The following CDH23 variants were observed in gnomAD, a reference collection of about 807,000 sequenced individuals.
CDH23 encodes the protein cadherin-23.
In CDH23, 189 loss-of-function variants were observed where a neutral mutation model predicts 317.1. The ratio of observed to expected loss-of-function variants is 0.60; its 90% CI spans 0.53 to 0.67. The LOEUF (loss-of-function observed/expected upper bound fraction) is 0.67. Ranked by LOEUF, CDH23 falls within the 30% of genes least tolerant of loss-of-function variation. The probability of loss-of-function intolerance (pLI) is 0.00; values close to 1 mark genes in which losing one functional copy is unlikely to be tolerated. For synonymous variants in CDH23, 1,839 were observed against 1,876.8 expected, an observed-to-expected ratio of 0.98 and a Z score of 0.52; for missense variants, 4,401 against 4,592.4, an observed-to-expected ratio of 0.96 and a Z score of 1.20.
chr10:71,648,579 G>A (rs1014940918), intron 14 of CDH23, among the ~76,000 whole-genome samples: 6 of 152,202 alleles, frequency 3.9e-5, no homozygotes, highest in Admixed American at 2.6e-4. Flanking sequence ...AGAGCCGGGA[G>A]GAGATGTGAA....
chr10:71,668,818 G>A (rs762291263), intron 14 of CDH23, among the ~76,000 whole-genome samples: 166 of 152,256 alleles, frequency 1.1e-3, no homozygotes, highest in Non-Finnish European at 1.3e-3. Flanking sequence ...CAATCACCTT[G>A]TATTAACCTT....
intron 30 of CDH23, among the ~76,000 whole-genome samples, chr10:71,726,771 G>T (rs1003978667): frequency 5.9e-5 from 9 of 152,240 alleles, no homozygotes; most frequent in Non-Finnish European, 1.3e-4. Context: ...CGAAGCTGGG[G>T]TTGGGTCTCC....
chr10:71,584,585 G>A (rs80128762), intron 9 of CDH23, among the ~76,000 whole-genome samples: 18 of 81,354 alleles, frequency 2.2e-4, no homozygotes, highest in Admixed American at 9.5e-4. Flanking sequence ...TACGCAGGGA[G>A]AATAATCAGA....
intron 3 of CDH23, among the ~76,000 whole-genome samples, chr10:71,453,665 G>A (rs1487261100): frequency 6.6e-6 from 1 of 152,258 alleles, no homozygotes; most frequent in Non-Finnish European, 1.5e-5. Flanking sequence ...TCTTGGGAGA[G>A]GGTGGAGAAC....
intron 33 of CDH23, 137 bp downstream of exon 33, chr10:71,734,478 A>G (rs975168486): frequency 1.3e-5 from 19 of 1,519,422 alleles, no homozygotes; most frequent in South Asian, 2.4e-5. Context: ...AGGCTTCGCC[A>G]TGTCCAGCCA....
At chr10:71,524,482 G>A (rs561724456) in intron 6 of CDH23, among the ~76,000 whole-genome samples, 2 of 152,302 alleles carry the variant, frequency 1.3e-5, no homozygotes, top group African/African-American at 2.4e-5. Context: ...GGCAGCTAGG[G>A]GCAAAAGGAG....
In CDH23 at chr10:71,677,532, C is replaced by G. The variant is rs1487612452; in HGVS notation, c.1591C>G (p.Leu531Val). 2 of 1,612,308 alleles carry G rather than the reference C, an allele frequency of 1.2e-6. No individual in the cohort carries two copies. The highest frequency in any genetic ancestry group is 1.7e-6 in the Non-Finnish European group (2 of 1,179,434). Residue 531 changes from leucine to valine, a missense_variant, in exon 16 of 70, where the codon CTG becomes GTG. Leu to Val is a conservative substitution (Grantham distance 32). Transcript: ENST00000224721. ...LDYELIQRFT[L>V]TIIARDGGGE... ...CTATGAGCTCATCCAGCGCTTCACC[C>G]TGACGATCATTGCCCGGGACGGGGG...
intron 6 of CDH23, among the ~76,000 whole-genome samples, chr10:71,547,569 G>A (rs1856352191): frequency 6.6e-6 from 1 of 152,238 alleles, no homozygotes; most frequent in African/African-American, 2.4e-5. Context: ...GTATTTCAGG[G>A]CATTCATAGC....
intron 8 of CDH23, among the ~76,000 whole-genome samples, chr10:71,571,449 T>C (rs922725730): frequency 6.6e-6 from 1 of 152,228 alleles, no homozygotes; most frequent in Non-Finnish European, 1.5e-5. Flanking sequence ...AGTCCAGGTT[T>C]CCAAGAAAGG....
rs560825253 is a variant in CDH23 at position 71,785,004 on chromosome 10, T to C, written c.5616T>C (p.His1872=). The part of the protein sequence containing the change: ...ENSPVSSFVA[H]VLASDADSGC... ...GCCCTGTCTCCAGCTTTGTCGCCCA[T>C]GTCCTGGCCAGTGACGCTGACAGTG... The change falls in exon 43 of 70, where the codon CAT becomes CAC. Residue 1872 remains histidine, a synonymous_variant. Coordinates refer to ENST00000224721, the MANE Select transcript of CDH23 (RefSeq NM_022124.6). 5 of 1,614,066 alleles carry C rather than the reference T, an allele frequency of 3.1e-6. No homozygotes were observed. The highest frequency in any genetic ancestry group is 1.7e-5 in the Admixed American group (1 of 60,028).
chr10:71,560,385 A>T (rs7091884), intron 6 of CDH23, among the ~76,000 whole-genome samples: 59,568 of 151,386 alleles, frequency 0.39, 12,441 homozygotes, highest in East Asian at 0.67. Context: ...TCCCCACCAA[A>T]CCTCTGTTCT....
At chr10:71,449,975 T>A (rs1008367368) in intron 3 of CDH23, among the ~76,000 whole-genome samples, 3 of 152,248 alleles carry the variant, frequency 2.0e-5, no homozygotes, top group Non-Finnish European at 2.9e-5. Flanking sequence ...AATGAAGTCA[T>A]TAACTAGTGC....
intron 38 of CDH23, chr10:71,753,762 T>C (rs1418162539): frequency 2.2e-6 from 1 of 456,292 alleles, no homozygotes; most frequent in South Asian, 1.5e-5. Flanking sequence ...CTGATTACGA[T>C]GGGGAAACAG....
intron 38 of CDH23, among the ~76,000 whole-genome samples, chr10:71,759,978 C>A (rs1776943078): frequency 1.2e-5 from 1 of 81,196 alleles, no homozygotes; most frequent in African/African-American, 3.6e-5. Flanking sequence ...TATACACACA[C>A]ACATATATAT....
In CDH23 at chr10:71,724,065, T is replaced by A; in HGVS notation, c.3390T>A (p.Asp1130Glu). Reference protein sequence around the residue: ...SILQLKATDADEGEFGRVWYR... With the variant: ...SILQLKATDAEEGEFGRVWYR... ...CTCAGCTGAAAGCCACGGACGCAGATGAGGGCGAGTTTGGGCGTGTGTGGT... is the reference window on the plus strand; with the variant it reads ...CTCAGCTGAAAGCCACGGACGCAGAAGAGGGCGAGTTTGGGCGTGTGTGGT... The change falls in exon 29 of 70, where the codon GAT becomes GAA. Residue 1130 changes from aspartate (D) to glutamate (E), a missense_variant. Physicochemically the swap from Asp to Glu is conservative, Grantham distance 45. This residue lies in a region of CDH23 where 3,068 missense variants were observed against 3,203.3 expected (regional missense o/e 0.96). Transcript: ENST00000224721. The A allele has an allele frequency of 6.4e-7, 1 of 1,560,724 alleles. No homozygotes were observed. Among genetic ancestry groups the A allele is most frequent in the Non-Finnish European group, 8.7e-7 (1 of 1,151,984 alleles).
intron 14 of CDH23, among the ~76,000 whole-genome samples, chr10:71,659,959 CG>C (rs1479513959): frequency 9.9e-5 from 13 of 131,610 alleles, no homozygotes; most frequent in African/African-American, 3.1e-4. Context: ...TCTTTCTTTC[CG>C]TTTTTTTTTT....
At position 71,809,913 on chromosome 10, in the gene CDH23, G is replaced by T; in HGVS notation, c.8816G>T (p.Gly2939Val). The T allele has an allele frequency of 6.2e-7, 1 of 1,613,114 alleles. No individual in the cohort carries two copies. Among genetic ancestry groups the T allele is most frequent in the Non-Finnish European group, 8.5e-7 (1 of 1,179,898 alleles). ...VVDIVARDLAGHNDTAIIGIY... is the reference protein window; with the variant it reads ...VVDIVARDLAVHNDTAIIGIY... ...GACATTGTGGCCCGAGACCTGGCAG[G>T]CCACAACGACACGGCCATCATCGGC... The change falls in exon 61 of 70, where the codon GGC (glycine) becomes GTC (valine). Residue 2939 changes from glycine to valine, a missense_variant. Physicochemically the swap from Gly to Val is moderately radical, Grantham distance 109. Around this residue, in one of 3 missense-constraint regions of CDH23, gnomAD observed 1,144 missense variants for 1,138.2 expected, o/e 1.01. Transcript: ENST00000224721.
Position 71,799,169 on chromosome 10 carries a change from C to G in CDH23, c.7113C>G (p.Thr2371=), listed in dbSNP as rs747544364. Reference sequence around the variant, plus strand: ...AGGAGGTGCACTGGCTCAACTTTACCGTGAGGGCCTCAGACAACGGGTCCC... The same window carrying G: ...AGGAGGTGCACTGGCTCAACTTTACGGTGAGGGCCTCAGACAACGGGTCCC... The part of the protein sequence containing the change: ...DYEEVHWLNF[T]VRASDNGSPP... Residue 2371 remains threonine (T), a synonymous_variant, in exon 51 of 70, where the codon ACC becomes ACG. Coordinates refer to ENST00000224721, the MANE Select transcript of CDH23 (RefSeq NM_022124.6). The G allele has an allele frequency of 6.2e-7, 1 of 1,613,936 alleles. No individual in the cohort carries two copies. The highest frequency in any genetic ancestry group is 1.1e-5 in the South Asian group (1 of 91,088).
intron 43 of CDH23, 131 bp downstream of exon 43, chr10:71,785,231 C>A (rs1405721431): frequency 5.8e-6 from 4 of 693,230 alleles, no homozygotes; most frequent in Non-Finnish European, 7.2e-6. Context: ...GATGAGGACA[C>A]CTCTGTGGGA....
Sources: gnomAD v4.1 joint callset for allele counts (sites outside exome capture counted in the v4.1 genomes callset) on GRCh38, gnomAD v4.1.1 for gene constraint, gnomAD v4.1.1 regional missense constraint, MANE v1.5 for transcripts, NCBI Gene and HGNC (gene_info 2026-07-23, HGNC 2026-07-21) for gene names.